Variants in FGF12 observed in about 807,000 individuals in gnomAD.
FGF12 encodes the protein fibroblast growth factor 12B.
In FGF12, 14 loss-of-function variants were observed where a neutral mutation model predicts 23.6. That is an observed-to-expected ratio of 0.59 (90% confidence interval 0.39 to 0.93). The LOEUF (loss-of-function observed/expected upper bound fraction) is 0.93. Ranked by LOEUF, FGF12 falls within the 40% of genes least tolerant of loss-of-function variation. The pLI is 0.00. For synonymous variants in FGF12, 62 were observed against 77.3 expected (o/e 0.80, Z 1.04); for missense variants, 175 against 217.8 (o/e 0.80, Z 1.24).
intron 2 of FGF12, among the ~76,000 whole-genome samples, chr3:192,604,809 C>T (rs1057130333): frequency 6.6e-6 from 1 of 152,146 alleles, no homozygotes; most frequent in African/African-American, 2.4e-5. Flanking sequence ...TCAAACTATG[C>T]TATAAGGCTA....
chr3:192,166,843 T>A (rs1233254553), intron 5 of FGF12, among the ~76,000 whole-genome samples: 2 of 152,056 alleles, frequency 1.3e-5, no homozygotes, highest in Admixed American at 6.6e-5. Flanking sequence ...TTTTTTTTCA[T>A]TTTTGGAAGT....
chr3:192,647,803 A>T (rs2108673309), intron 2 of FGF12, among the ~76,000 whole-genome samples: 1 of 151,470 alleles, frequency 6.6e-6, no homozygotes, highest in East Asian at 1.9e-4. Context: ...TATGATGGAG[A>T]TTCCATCAAA....
chr3:192,364,647 CAGATTA>C (rs1397165106), intron 2 of FGF12, among the ~76,000 whole-genome samples: 1 of 152,104 alleles, frequency 6.6e-6, no homozygotes, highest in Non-Finnish European at 1.5e-5. Flanking sequence ...TAACACCGGC[CAGATTA>C]AGATAACATA....
chr3:192,321,219 T>C (rs1175460881), intron 4 of FGF12, among the ~76,000 whole-genome samples: 1 of 151,872 alleles, frequency 6.6e-6, no homozygotes, highest in Non-Finnish European at 1.5e-5. Flanking sequence ...AAAGATAACT[T>C]CTCAGACACA....
At position 192,385,640 on chromosome 3, in the gene FGF12, T is replaced by G. The variant is rs139210725; in HGVS notation, c.14-25102A>C. Reference sequence around the variant, plus strand: ...TGACACTGCCAGGGACCCATAGGGATTCACATATAAACCATAGTTTATATG... The same window carrying G: ...TGACACTGCCAGGGACCCATAGGGAGTCACATATAAACCATAGTTTATATG... On this transcript the variant is annotated intron_variant, in intron 2 of 5. Transcript: ENST00000445105. Among the ~76,000 whole-genome samples the G allele has an allele frequency of 2.7e-3, 327 of 119,136 alleles. 1 individual carries two copies. Among genetic ancestry groups the G allele is most frequent in the African/African-American group, 9.7e-3 (300 of 30,854 alleles). 78.2% of individuals were successfully genotyped at this position (119,136 alleles called of 152,430 possible).
At chr3:192,258,885 G>A (rs577104269) in intron 4 of FGF12, among the ~76,000 whole-genome samples, 7 of 152,112 alleles carry the variant, frequency 4.6e-5, no homozygotes, top group Non-Finnish European at 7.4e-5. Flanking sequence ...AGAAATATGC[G>A]TCACTAACGA....
intron 2 of FGF12, among the ~76,000 whole-genome samples, chr3:192,712,025 A>T (rs1388779284): frequency 1.3e-5 from 2 of 151,784 alleles, no homozygotes; most frequent in Non-Finnish European, 2.9e-5. Context: ...ATAAGACGGC[A>T]TAATATAAAA....
intron 4 of FGF12, among the ~76,000 whole-genome samples, chr3:192,334,075 G>A (rs763675611): frequency 2.0e-5 from 3 of 151,988 alleles, no homozygotes; most frequent in African/African-American, 7.3e-5. Flanking sequence ...CCTGTGATAC[G>A]AGTTCAGTTA....
intron 2 of FGF12, among the ~76,000 whole-genome samples, chr3:192,709,330 G>C (rs1237226962): frequency 1.6e-4 from 24 of 152,178 alleles, no homozygotes; most frequent in Non-Finnish European, 1.5e-5. Flanking sequence ...TTACATGAAC[G>C]AGTTTGGAGT....
intron 2 of FGF12, among the ~76,000 whole-genome samples, chr3:192,578,336 G>T (rs1712995537): frequency 6.6e-6 from 1 of 151,550 alleles, no homozygotes; most frequent in South Asian, 2.1e-4. Flanking sequence ...TGGAGTAAAG[G>T]AAGATTGAGT....
At chr3:192,692,264 A>T (rs1009359694) in intron 2 of FGF12, among the ~76,000 whole-genome samples, 2 of 152,210 alleles carry the variant, frequency 1.3e-5, no homozygotes, top group Admixed American at 6.5e-5. Context: ...AAAAATCTTC[A>T]ATAAAATACT....
At chr3:192,174,462 G>A (rs1393229278) in intron 4 of FGF12, among the ~76,000 whole-genome samples, 1 of 152,158 alleles carries the variant, frequency 6.6e-6, no homozygotes, top group Non-Finnish European at 1.5e-5. Flanking sequence ...CTGAAAATGA[G>A]GCAGCTATTA....
chr3:192,554,186 A>C (rs1375503948), intron 2 of FGF12, among the ~76,000 whole-genome samples: 1 of 152,214 alleles, frequency 6.6e-6, no homozygotes, highest in Admixed American at 6.5e-5. Context: ...CTGATAACAT[A>C]CAACAGACAG....
At chr3:192,369,312 C>CT (rs76977727) in intron 2 of FGF12, among the ~76,000 whole-genome samples, 10,119 of 152,258 alleles carry the variant, frequency 0.066, 365 homozygotes, top group South Asian at 0.12. Flanking sequence ...CCTCTGGCCT[C>CT]TAATGCGTTT....
chr3:192,687,545 A>G (rs1717789890), intron 2 of FGF12, among the ~76,000 whole-genome samples: 1 of 152,142 alleles, frequency 6.6e-6, no homozygotes, highest in Non-Finnish European at 1.5e-5. Context: ...TAAAGGAAAC[A>G]AAGAACAGCT....
At chr3:192,154,945 G>C (rs1224314733) in intron 5 of FGF12, among the ~76,000 whole-genome samples, 4 of 132,752 alleles carry the variant, frequency 3.0e-5, no homozygotes, top group Non-Finnish European at 6.7e-5. Flanking sequence ...ATCTCAGACT[G>C]CTGTGCTAGC....
At chr3:192,434,831 TA>T (rs533997848) in intron 2 of FGF12, among the ~76,000 whole-genome samples, 26 of 148,400 alleles carry the variant, frequency 1.8e-4, no homozygotes, top group East Asian at 3.9e-4. Flanking sequence ...ATCAGGATAT[TA>T]AAAAAAAAAC....
intron 2 of FGF12, among the ~76,000 whole-genome samples, chr3:192,534,924 T>A (rs1471921205): frequency 6.6e-6 from 1 of 152,182 alleles, no homozygotes; most frequent in African/African-American, 2.4e-5. Flanking sequence ...TAAGTTTCAG[T>A]GGATACTTTG....
chr3:192,705,777 G>A (rs1681265924), intron 2 of FGF12, among the ~76,000 whole-genome samples: 1 of 152,114 alleles, frequency 6.6e-6, no homozygotes, highest in South Asian at 2.1e-4. Flanking sequence ...AATATGCGAC[G>A]CATGCAACAT....
Sources: gnomAD v4.1 joint callset for allele counts (sites outside exome capture counted in the v4.1 genomes callset) on GRCh38, gnomAD v4.1.1 for gene constraint, MANE v1.5 for transcripts, NCBI Gene and HGNC (gene_info 2026-07-23, HGNC 2026-07-21) for gene names.